The following CADPS2 variants were observed in gnomAD, a reference collection of about 807,000 sequenced individuals.
The protein encoded by CADPS2 is calcium dependent secretion activator 2, also known as calcium-dependent secretion activator 2.
Under a neutral mutation model 172.5 loss-of-function variants are expected in CADPS2, and 93 were observed. The ratio of observed to expected loss-of-function variants is 0.54; its 90% CI spans 0.46 to 0.64. The LOEUF (loss-of-function observed/expected upper bound fraction) is 0.64, where lower values mean the gene tolerates loss of function less well. Ranked by LOEUF, CADPS2 falls within the 30% of genes least tolerant of loss-of-function variation. The pLI is 0.00. For synonymous variants in CADPS2, 546 were observed against 555.2 expected (o/e 0.98, Z 0.23); for missense variants, 1,420 against 1,565.9 (o/e 0.91, Z 1.57).
chr7:122,404,949 A>T (rs918070815), intron 20 of CADPS2, among the ~76,000 whole-genome samples: 2 of 151,940 alleles, frequency 1.3e-5, no homozygotes, highest in Non-Finnish European at 2.9e-5. Context: ...GCACGGTGAA[A>T]CCCAGTCTCT....
At chr7:122,840,403 A>T (rs1205789200) in intron 1 of CADPS2, among the ~76,000 whole-genome samples, 1 of 152,148 alleles carries the variant, frequency 6.6e-6, no homozygotes, top group African/African-American at 2.4e-5. Context: ...CGTTTTGCAC[A>T]TGTACCCTAG....
intron 8 of CADPS2, among the ~76,000 whole-genome samples, chr7:122,541,483 G>A (rs1186291084): frequency 6.8e-6 from 1 of 147,126 alleles, no homozygotes; most frequent in African/African-American, 2.5e-5. Context: ...TGGGATTACA[G>A]GCATGTGTCA....
At chr7:122,332,648 T>C (rs1451452207) in intron 28 of CADPS2, among the ~76,000 whole-genome samples, 1 of 152,184 alleles carries the variant, frequency 6.6e-6, no homozygotes, top group East Asian at 1.9e-4. Context: ...ATTCCATACT[T>C]CATCTTTTAA....
At chr7:122,552,365 A>G (rs1349785175) in intron 8 of CADPS2, among the ~76,000 whole-genome samples, 1 of 152,116 alleles carries the variant, frequency 6.6e-6, no homozygotes, top group Non-Finnish European at 1.5e-5. Context: ...GCTATGAGGC[A>G]TTTCTGGTCC....
At chr7:122,782,758 T>A (rs993897806) in intron 1 of CADPS2, among the ~76,000 whole-genome samples, 2 of 152,224 alleles carry the variant, frequency 1.3e-5, no homozygotes, top group African/African-American at 4.8e-5. Flanking sequence ...ATACATGGAT[T>A]TTCTGTTTTA....
chr7:122,690,028 C>A (rs762480741), intron 2 of CADPS2, among the ~76,000 whole-genome samples: 20 of 152,238 alleles, frequency 1.3e-4, no homozygotes, highest in East Asian at 1.9e-4. Context: ...TGGATGCACA[C>A]GCCAGGGCAA....
chr7:122,754,418 A>G (rs1299489159), intron 1 of CADPS2, among the ~76,000 whole-genome samples: 3 of 152,216 alleles, frequency 2.0e-5, no homozygotes, highest in Non-Finnish European at 4.4e-5. Context: ...TGACTTACTA[A>G]AAGGCCTTGA....
intron 1 of CADPS2, among the ~76,000 whole-genome samples, chr7:122,859,395 A>C (rs1464245122): frequency 6.6e-6 from 1 of 152,188 alleles, no homozygotes; most frequent in Non-Finnish European, 1.5e-5. Flanking sequence ...AGAATGAGTT[A>C]TAAGTTTCTT....
intron 27 of CADPS2, among the ~76,000 whole-genome samples, chr7:122,359,856 T>C (rs2039907912): frequency 6.6e-6 from 1 of 152,164 alleles, no homozygotes; most frequent in African/African-American, 2.4e-5. Flanking sequence ...TTTAAAATAC[T>C]CATTTATAAC....
At chr7:122,776,734 G>C (rs2093894725) in intron 1 of CADPS2, among the ~76,000 whole-genome samples, 1 of 152,140 alleles carries the variant, frequency 6.6e-6, no homozygotes, top group Admixed American at 6.5e-5. Context: ...ATAGTAATAT[G>C]GTCAATGAAG....
chr7:122,685,049 GTTTAT>G (rs1046403419), intron 2 of CADPS2, among the ~76,000 whole-genome samples: 3 of 152,090 alleles, frequency 2.0e-5, no homozygotes, highest in African/African-American at 7.2e-5. Flanking sequence ...CCTTGTAGTT[GTTTAT>G]TTTTTTAACA....
chr7:122,600,251 T>TCAAAGCAA (rs531717326), intron 6 of CADPS2, among the ~76,000 whole-genome samples: 117 of 151,994 alleles, frequency 7.7e-4, no homozygotes, highest in African/African-American at 2.8e-3. Flanking sequence ...CTCCATGGAG[T>TCAAAGCAA]CAAAGCAACA....
At chr7:122,671,910 C>A (rs2081906578) in intron 2 of CADPS2, among the ~76,000 whole-genome samples, 1 of 152,048 alleles carries the variant, frequency 6.6e-6, no homozygotes, top group South Asian at 2.1e-4. Flanking sequence ...AATTAATGAA[C>A]CAGTAAGGTT....
intron 14 of CADPS2, among the ~76,000 whole-genome samples, chr7:122,452,876 C>T (rs1280483874): frequency 6.6e-6 from 1 of 152,072 alleles, no homozygotes; most frequent in East Asian, 1.9e-4. Flanking sequence ...TCTCTATATA[C>T]ATATAATCAT....
rs2078400550 is a variant in CADPS2, at chr7:122,645,530, A to ATATTTAAG, written c.787-16203_787-16202insCTTAAATA. ...TATATATACTTATATATATATAAGT[A>ATATTTAAG]TATATATATACTTATATATATACTT... On this transcript the variant is annotated intron_variant, in intron 3 of 29. Coordinates refer to ENST00000449022, the MANE Select transcript of CADPS2 (RefSeq NM_017954.11). Among the ~76,000 whole-genome samples, 4 of 122,118 alleles carry ATATTTAAG rather than the reference A, an allele frequency of 3.3e-5. No homozygotes were observed. The Admixed American group carries it at 3.4e-4, about 10-fold the overall frequency. The allele number at this position is 122,118 out of a possible 152,430, so 80.1% of individuals were successfully genotyped here. A position where few individuals can be genotyped will look rare whatever the true frequency, so the allele number is the denominator to read the frequency against.
At chr7:122,339,871 G>A (rs1303674050) in intron 28 of CADPS2, among the ~76,000 whole-genome samples, 2 of 152,126 alleles carry the variant, frequency 1.3e-5, no homozygotes, top group African/African-American at 2.4e-5. Context: ...GGTGACAAGA[G>A]TGAAACTCCA....
At chr7:122,603,945 C>G (rs974129575) in intron 6 of CADPS2, among the ~76,000 whole-genome samples, 3 of 152,050 alleles carry the variant, frequency 2.0e-5, no homozygotes, top group Non-Finnish European at 4.4e-5. Context: ...ATAAGATGAA[C>G]AAGTTCTAAG....
chr7:122,683,870 A>G (rs2083338099), intron 2 of CADPS2, among the ~76,000 whole-genome samples: 1 of 152,042 alleles, frequency 6.6e-6, no homozygotes, highest in South Asian at 2.1e-4. Flanking sequence ...AGACATGTAT[A>G]TGAGGTTCAC....
At chr7:122,805,621 C>A (rs914432234) in intron 1 of CADPS2, among the ~76,000 whole-genome samples, 1 of 152,184 alleles carries the variant, frequency 6.6e-6, no homozygotes, top group Non-Finnish European at 1.5e-5. Flanking sequence ...CTCTTTAATT[C>A]AGACATGTCA....
Sources: gnomAD v4.1 joint callset for allele counts (sites outside exome capture counted in the v4.1 genomes callset) on GRCh38, gnomAD v4.1.1 for gene constraint, MANE v1.5 for transcripts, NCBI Gene and HGNC (gene_info 2026-07-23, HGNC 2026-07-21) for gene names.